The following GLYR1 variants were observed in gnomAD, a reference collection of about 807,000 sequenced individuals.
GLYR1 encodes cytokine-like nuclear factor N-PAC.
GLYR1 carries 21 observed loss-of-function variants against 72.7 expected under a neutral mutation model. The ratio of observed to expected loss-of-function variants is 0.29; its 90% CI spans 0.20 to 0.42. The LOEUF (loss-of-function observed/expected upper bound fraction) is 0.42. GLYR1 is among the 10% of genes least tolerant of loss of function. The pLI, the probability that GLYR1 is intolerant of heterozygous loss-of-function variation, is 1.00. For synonymous variants in GLYR1, 392 were observed against 270.2 expected (o/e 1.45, Z -4.42); for missense variants, 594 against 712.1 (o/e 0.83, Z 1.89).
At chr16:4,833,086 G>A in intron 3 of GLYR1, 174 bp from the exon 4 acceptor site, 2 of 493,704 alleles carry the variant, frequency 4.1e-6, no homozygotes, top group Non-Finnish European at 6.8e-6. Flanking sequence ...TATGTCTAAA[G>A]TATATTTTCT....
chr16:4,843,038 T>A (rs1234352901), intron 3 of GLYR1, among the ~76,000 whole-genome samples: 3 of 152,198 alleles, frequency 2.0e-5, no homozygotes, highest in African/African-American at 7.2e-5. Flanking sequence ...TGTTTACAAC[T>A]TGTCACTTGA....
chr16:4,832,630 G>T, intron 4 of GLYR1, 144 bp downstream of exon 4: 1 of 1,001,080 alleles, frequency 1.0e-6, no homozygotes, highest in South Asian at 1.9e-5. Context: ...TAAGCAAAAC[G>T]CTGACACCTT....
chr16:4,817,585 C>A lies in GLYR1; in HGVS notation c.906+13G>T, dbSNP rs1430999715. ...CTCCACCGATCCAACAGGCACCACC[C>A]CTGAATGCTTACTTTCTCTGCAGTG... is the stretch of plus-strand genomic sequence containing the variant. On this transcript the variant is annotated intron_variant, in intron 10 of 15. Coordinates refer to ENST00000321919, the MANE Select transcript of GLYR1 (RefSeq NM_032569.4). The A allele has an allele frequency of 4.5e-6, 7 of 1,550,116 alleles. No homozygotes were observed. Among genetic ancestry groups the A allele is most frequent in the Non-Finnish European group, 6.2e-6 (7 of 1,121,682 alleles).
chr16:4,829,112 G>A (rs184284160), intron 5 of GLYR1, among the ~76,000 whole-genome samples: 17 of 152,024 alleles, frequency 1.1e-4, no homozygotes, highest in Non-Finnish European at 2.1e-4. Context: ...TTGGGCTGAC[G>A]GTATGCAGGG....
chr16:4,825,932 G>A (rs1487847706), intron 5 of GLYR1, among the ~76,000 whole-genome samples: 7 of 152,222 alleles, frequency 4.6e-5, no homozygotes, highest in African/African-American at 1.4e-4. Context: ...GATTACAGGC[G>A]TGAGCCACTG....
At chr16:4,845,205 T>A in intron 2 of GLYR1, 52 bp from the exon 3 acceptor site, 2 of 1,232,882 alleles carry the variant, frequency 1.6e-6, no homozygotes, top group Non-Finnish European at 2.4e-6. Context: ...GCAGCCCACT[T>A]TCTAGTGGCT....
In GLYR1 at chr16:4,813,802, G is replaced by A. The variant is rs1463705367; in HGVS notation, c.1054C>T (p.Arg352Cys). The A allele has an allele frequency of 5.6e-6, 9 of 1,612,986 alleles. No individual in the cohort carries two copies. The highest frequency in any genetic ancestry group is 2.2e-5 in the East Asian group (1 of 44,840). The change falls in exon 12 of 16, where the codon CGC becomes TGC. Residue 352 changes from arginine to cysteine, a missense_variant. Arg to Cys is a radical substitution (Grantham distance 180). This residue lies in a region of GLYR1 where 266 missense variants were observed against 358.4 expected (regional missense o/e 0.74). Coordinates refer to ENST00000321919, the MANE Select transcript of GLYR1 (RefSeq NM_032569.4). Reference sequence around the variant, plus strand: ...ATGTCCACGTAGCACTTCCCAGGGCGGATCCCTTGCAGCACACCACTGGGG... The same window carrying A: ...ATGTCCACGTAGCACTTCCCAGGGCAGATCCCTTGCAGCACACCACTGGGG... The part of the protein sequence containing the change: ...LGPSGVLQGI[R>C]PGKCYVDMST...
chr16:4,813,171 G>C (rs1311325482), intron 12 of GLYR1, among the ~76,000 whole-genome samples: 1 of 151,872 alleles, frequency 6.6e-6, no homozygotes, highest in African/African-American at 2.4e-5. Flanking sequence ...CACCGTGTTA[G>C]CCAGGATGGT....
intron 9 of GLYR1, chr16:4,821,072 T>G (rs1481199590): frequency 2.1e-6 from 1 of 466,220 alleles, no homozygotes; most frequent in Non-Finnish European, 3.9e-6. Flanking sequence ...ACATATTGAC[T>G]GAGAAGCCAC....
chr16:4,846,877 T>A (rs1391027947), intron 1 of GLYR1: 1 of 356,758 alleles, frequency 2.8e-6, no homozygotes, highest in Non-Finnish European at 5.1e-6. Flanking sequence ...CCGGCGCTTC[T>A]GCTTTCTGGG....
chr16:4,817,125 AT>A (rs1203306681), intron 10 of GLYR1, among the ~76,000 whole-genome samples: 63 of 127,932 alleles, frequency 4.9e-4, no homozygotes, highest in South Asian at 4.9e-4. Flanking sequence ...TGTATTTTCT[AT>A]TTTTTTTTTT....
rs1269794337 is a variant in GLYR1, at chr16:4,804,678, T to G, written c.*558A>C. The stretch of plus-strand genomic sequence containing the variant: ...ATCTTTCTCAGCTCATCACCTGAGG[T>G]TGGAGGGCCCCAAGGGCCCCTCTGT... On this transcript the variant is annotated 3_prime_UTR_variant, in exon 16 of 16. Transcript: ENST00000321919. The G allele has an allele frequency of 1.3e-5, 2 of 158,718 alleles. No homozygotes were observed. Among genetic ancestry groups the G allele is most frequent in the Non-Finnish European group, 2.8e-5 (2 of 71,470 alleles). The allele number at this position is 158,718 out of a possible 1,614,324, so 9.8% of individuals were successfully genotyped here. A position where few individuals can be genotyped will look rare whatever the true frequency, so the allele number is the denominator to read the frequency against.
Position 4,821,597 on chromosome 16 carries a change from G to A in GLYR1, c.682C>T (p.Pro228Ser). 1 of 1,613,780 alleles carries A rather than the reference G, an allele frequency of 6.2e-7. No homozygotes were observed. Among genetic ancestry groups the A allele is most frequent in the Non-Finnish European group, 8.5e-7 (1 of 1,179,870 alleles). The stretch of plus-strand genomic sequence containing the variant: ...GTGATTGCCTGGTAACAGACAGCTG[G>A]CTAATGAAGGAGGAGGAAAGAGACT... ...HHFLLSQTEKPAVCYQAITKK... is the reference protein window; with the variant it reads ...HHFLLSQTEKSAVCYQAITKK... The change falls in exon 8 of 16, where the codon CCA becomes TCA. Residue 228 changes from proline (P) to serine (S), a missense_variant and splice_region_variant. Coordinates refer to ENST00000321919, the MANE Select transcript of GLYR1 (RefSeq NM_032569.4).
At chr16:4,836,802 ATAT>A (rs1387992909) in intron 3 of GLYR1, among the ~76,000 whole-genome samples, 1 of 151,116 alleles carries the variant, frequency 6.6e-6, no homozygotes, top group African/African-American at 2.4e-5. Flanking sequence ...TGGTGAACAC[ATAT>A]TATATTGGAA....
chr16:4,812,340 C>A (rs2083365518), intron 12 of GLYR1, 92 bp from the exon 13 acceptor site: 1 of 1,381,716 alleles, frequency 7.2e-7, no homozygotes, highest in East Asian at 2.4e-5. Flanking sequence ...GCCACGGCTG[C>A]TCATCACCTT....
chr16:4,817,038 C>T (rs2083683985), intron 10 of GLYR1, among the ~76,000 whole-genome samples: 1 of 151,262 alleles, frequency 6.6e-6, no homozygotes, highest in African/African-American at 2.4e-5. Flanking sequence ...CTGCCTCCCA[C>T]ATTCAAGTTA....
intron 3 of GLYR1, among the ~76,000 whole-genome samples, chr16:4,836,830 CA>C (rs2085168388): frequency 5.6e-5 from 8 of 142,124 alleles, no homozygotes; most frequent in African/African-American, 1.9e-4. Context: ...AAAAAAAAAA[CA>C]AAACAAATCA....
At chr16:4,843,122 G>C (rs535963374) in intron 3 of GLYR1, among the ~76,000 whole-genome samples, 2 of 152,354 alleles carry the variant, frequency 1.3e-5, no homozygotes, top group East Asian at 3.9e-4. Flanking sequence ...AATTCAGAAA[G>C]TGGACACATA....
chr16:4,843,870 T>TGGGGGGGGGGGGGGGGTG (rs552114095), intron 3 of GLYR1: 48 of 95,080 alleles, frequency 5.0e-4, no homozygotes, highest in South Asian at 1.9e-3. Context: ...CTGAGGGGGT[T>TGGGGGGGGGGGGGGGGTG]GGGGGGGGGA....
Sources: gnomAD v4.1 joint callset for allele counts (sites outside exome capture counted in the v4.1 genomes callset) on GRCh38, gnomAD v4.1.1 for gene constraint, gnomAD v4.1.1 regional missense constraint, MANE v1.5 for transcripts, NCBI Gene and HGNC (gene_info 2026-07-23, HGNC 2026-07-21) for gene names.